Variants in HDAC9 observed in about 807,000 individuals in gnomAD.
The protein encoded by HDAC9 is MEF-2 interacting transcription repressor (MITR) protein.
Under a neutral mutation model 139.4 loss-of-function variants are expected in HDAC9, and 41 were observed. The observed-to-expected ratio is 0.29, with a 90% CI of 0.23 to 0.38. The LOEUF is 0.38. Ranked by LOEUF, HDAC9 falls within the 10% of genes least tolerant of loss-of-function variation. The pLI, the probability that HDAC9 is intolerant of heterozygous loss-of-function variation, is 1.00. For synonymous variants in HDAC9, 517 were observed against 476.2 expected (o/e 1.09, Z -1.12); for missense variants, 1,147 against 1,297.0 (o/e 0.88, Z 1.78).
At chr7:18,547,567 T>G (rs1166778989) in intron 2 of HDAC9, among the ~76,000 whole-genome samples, 1 of 152,176 alleles carries the variant, frequency 6.6e-6, no homozygotes, top group Non-Finnish European at 1.5e-5. Context: ...AAGACAACAA[T>G]GAAGTTGGCT....
At chr7:18,211,830 A>G (rs565649725) in intron 2 of HDAC9, among the ~76,000 whole-genome samples, 3 of 152,272 alleles carry the variant, frequency 2.0e-5, no homozygotes, top group East Asian at 3.9e-4. Context: ...CTGTGAGGAC[A>G]TTTAGCTGAG....
chr7:18,557,567 T>C (rs1819228446), intron 2 of HDAC9, among the ~76,000 whole-genome samples: 1 of 150,864 alleles, frequency 6.6e-6, no homozygotes, highest in Non-Finnish European at 1.5e-5. Context: ...TAGGGATTTC[T>C]ACTAGTAGTA....
chr7:18,249,557 T>C (rs1794789285), intron 2 of HDAC9, among the ~76,000 whole-genome samples: 1 of 149,968 alleles, frequency 6.7e-6, no homozygotes, highest in Non-Finnish European at 1.5e-5. Flanking sequence ...ATCTGTTTTT[T>C]AAGTGGGTAG....
intron 13 of HDAC9, among the ~76,000 whole-genome samples, chr7:18,746,575 G>C (rs1187150676): frequency 6.6e-6 from 1 of 152,188 alleles, no homozygotes; most frequent in Non-Finnish European, 1.5e-5. Flanking sequence ...ATAAAAGGTA[G>C]AAGATTAAAC....
intron 8 of HDAC9, among the ~76,000 whole-genome samples, chr7:18,641,833 A>G (rs1288419172): frequency 2.0e-5 from 3 of 152,056 alleles, no homozygotes; most frequent in South Asian, 2.1e-4. Context: ...ACCCCTCCCA[A>G]TCTGTTAGTC....
At chr7:18,521,706 A>G (rs1805091897) in intron 2 of HDAC9, among the ~76,000 whole-genome samples, 1 of 152,214 alleles carries the variant, frequency 6.6e-6, no homozygotes, top group African/African-American at 2.4e-5. Flanking sequence ...AATAATAAAC[A>G]ACAGTCTAGG....
At chr7:18,923,508 C>T (rs377216826) in intron 22 of HDAC9, among the ~76,000 whole-genome samples, 4 of 152,026 alleles carry the variant, frequency 2.6e-5, no homozygotes, top group African/African-American at 9.7e-5. Flanking sequence ...GGCAACTCCT[C>T]TTTATCTTTG....
intron 1 of HDAC9, among the ~76,000 whole-genome samples, chr7:18,144,579 A>G (rs1434975703): frequency 1.3e-5 from 2 of 152,118 alleles, no homozygotes; most frequent in East Asian, 1.9e-4. Flanking sequence ...CCTCTGCTAT[A>G]TGCACCATTC....
intron 2 of HDAC9, among the ~76,000 whole-genome samples, chr7:18,178,057 C>A (rs1584482367): frequency 7.1e-6 from 1 of 139,910 alleles, no homozygotes; most frequent in African/African-American, 2.6e-5. Context: ...ACCTCCCCTT[C>A]CCTCCCGTTC....
At chr7:18,732,641 A>G (rs1178136) in intron 13 of HDAC9, among the ~76,000 whole-genome samples, 2,592 of 83,620 alleles carry the variant, frequency 0.031, 96 homozygotes, top group East Asian at 0.095. Flanking sequence ...ATATGTGTGC[A>G]TATGTGTATA....
intron 1 of HDAC9, among the ~76,000 whole-genome samples, chr7:18,455,005 C>T (rs191424418): frequency 6.6e-6 from 1 of 152,070 alleles, no homozygotes; most frequent in African/African-American, 2.4e-5. Context: ...TCTGAACATA[C>T]AGGTCTCACA....
rs527548570 is a variant in HDAC9 at position 18,118,216 on chromosome 7, C to G, written c.-97+31003C>G. On this transcript the variant is annotated intron_variant, in intron 1 of 12. Coordinates refer to the HDAC9 transcript ENST00000417496. ...AAATGAGCCAAGTAATCACATTTCTCTATGACATCTTGCTTTCTCTTGCCT... is the reference window on the plus strand; with the variant it reads ...AAATGAGCCAAGTAATCACATTTCTGTATGACATCTTGCTTTCTCTTGCCT... Among the ~76,000 whole-genome samples the G allele has an allele frequency of 7.9e-5, 12 of 152,328 alleles. No individual in the cohort carries two copies. In the South Asian group the frequency reaches 2.3e-3, roughly 29 times the overall value.
intron 22 of HDAC9, among the ~76,000 whole-genome samples, chr7:18,932,412 C>G (rs1048473084): frequency 1.3e-5 from 2 of 152,074 alleles, no homozygotes; most frequent in Admixed American, 1.3e-4. Flanking sequence ...TCTCAAAATG[C>G]TGAATTAAAT....
Position 18,594,045 on chromosome 7 carries a change from A to T in HDAC9, c.664+16A>T. The T allele has an allele frequency of 6.2e-7, 1 of 1,611,648 alleles. No individual in the cohort carries two copies. Among genetic ancestry groups the T allele is most frequent in the Non-Finnish European group, 8.5e-7 (1 of 1,178,358 alleles). Reference sequence around the variant, plus strand: ...CGAAAAACTGGTAAGTTGGTTTAACAGGAACTCTGTTTGCTCTTCTGTAAC... The same window carrying T: ...CGAAAAACTGGTAAGTTGGTTTAACTGGAACTCTGTTTGCTCTTCTGTAAC... On this transcript the variant is annotated intron_variant, in intron 6 of 25. Transcript: ENST00000686413.
intron 1 of HDAC9, among the ~76,000 whole-genome samples, chr7:18,479,912 G>A (rs1795412102): frequency 6.6e-6 from 1 of 151,268 alleles, no homozygotes; most frequent in Admixed American, 6.6e-5. Context: ...AGATTGCAAT[G>A]CTAAGAGAGG....
intron 24 of HDAC9, among the ~76,000 whole-genome samples, chr7:18,975,419 A>G (rs914561873): frequency 6.6e-6 from 1 of 152,228 alleles, no homozygotes; most frequent in Non-Finnish European, 1.5e-5. Flanking sequence ...AATGTTTAAC[A>G]GTACGATTCC....
chr7:18,796,832 T>C (rs1792846909), intron 17 of HDAC9, among the ~76,000 whole-genome samples: 1 of 152,226 alleles, frequency 6.6e-6, no homozygotes, highest in Admixed American at 6.5e-5. Context: ...TTGATACTTA[T>C]TGAAGTTTAA....
intron 2 of HDAC9, among the ~76,000 whole-genome samples, chr7:18,203,381 A>G (rs1791276495): frequency 6.6e-6 from 1 of 152,144 alleles, no homozygotes; most frequent in African/African-American, 2.4e-5. Context: ...TGCAGTTTTC[A>G]CAGTTGCTCC....
At chr7:18,547,758 A>G (rs1301166498) in intron 2 of HDAC9, among the ~76,000 whole-genome samples, 2 of 151,584 alleles carry the variant, frequency 1.3e-5, no homozygotes, top group South Asian at 2.1e-4. Flanking sequence ...CATCATTTCC[A>G]CAGTGTTCAC....
Sources: allele counts gnomAD v4.1 joint callset (sites outside exome capture counted in the v4.1 genomes callset), GRCh38; gene constraint gnomAD v4.1.1; transcripts MANE v1.5; gene names NCBI Gene and HGNC (gene_info 2026-07-23, HGNC 2026-07-21).